The following RGS6 variants were observed in gnomAD, a reference collection of about 807,000 sequenced individuals.
The protein encoded by RGS6 is regulator of G protein signaling 6, also known as regulator of G-protein signaling 6.
A neutral mutation model predicts 78.5 loss-of-function variants in RGS6; 30 were observed. The ratio of observed to expected loss-of-function variants is 0.38; its 90% CI spans 0.29 to 0.52. The LOEUF is 0.52. Ranked by LOEUF, RGS6 falls within the 20% of genes least tolerant of loss-of-function variation. RGS6 has a pLI of 0.85. For synonymous variants in RGS6, 206 were observed against 206.0 expected (o/e 1.00, Z 0.00); for missense variants, 495 against 609.7 (o/e 0.81, Z 1.98).
At chr14:72,079,797 A>G (rs920451765) in intron 2 of RGS6, among the ~76,000 whole-genome samples, 1 of 152,016 alleles carries the variant, frequency 6.6e-6, no homozygotes. Context: ...TTATCTTTCT[A>G]TGCCTGGTTC....
chr14:71,945,741 G>A (rs1174876896), intron 1 of RGS6, among the ~76,000 whole-genome samples: 2 of 152,130 alleles, frequency 1.3e-5, no homozygotes, highest in African/African-American at 2.4e-5. Flanking sequence ...AGGGACAGGT[G>A]GAGAATGTGT....
intron 2 of RGS6, among the ~76,000 whole-genome samples, chr14:72,278,784 A>G (rs1349792415): frequency 6.6e-6 from 1 of 152,162 alleles, no homozygotes; most frequent in East Asian, 1.9e-4. Context: ...CACCTGCTGC[A>G]TAATACGGTA....
At chr14:72,275,825 A>G (rs2060581003) in intron 2 of RGS6, among the ~76,000 whole-genome samples, 1 of 152,220 alleles carries the variant, frequency 6.6e-6, no homozygotes, top group Non-Finnish European at 1.5e-5. Flanking sequence ...ACCAAAGTGT[A>G]GTATATATTG....
intron 13 of RGS6, among the ~76,000 whole-genome samples, chr14:72,509,576 G>C: frequency 6.6e-6 from 1 of 152,200 alleles, no homozygotes; most frequent in East Asian, 1.9e-4. Flanking sequence ...GCTTGAGACG[G>C]TGTCTAGCAC....
At chr14:72,383,800 G>A (rs1422621100) in intron 3 of RGS6, among the ~76,000 whole-genome samples, 1 of 152,040 alleles carries the variant, frequency 6.6e-6, no homozygotes, top group African/African-American at 2.4e-5. Context: ...GCTTTCAAAG[G>A]GTGGGGGGGG....
intron 2 of RGS6, among the ~76,000 whole-genome samples, chr14:71,975,250 A>C (rs2094047812): frequency 6.6e-6 from 1 of 152,142 alleles, no homozygotes; most frequent in Non-Finnish European, 1.5e-5. Flanking sequence ...ATTTATCATA[A>C]CTGTCATTGT....
At chr14:72,033,274 C>T (rs1285905187) in intron 2 of RGS6, among the ~76,000 whole-genome samples, 1 of 152,162 alleles carries the variant, frequency 6.6e-6, no homozygotes, top group African/African-American at 2.4e-5. Context: ...CACTCTGCCA[C>T]CCAGGCTGGA....
At chr14:71,911,525 C>G in the RGS6 span, among the ~76,000 whole-genome samples, 3 of 152,144 alleles carry the variant, frequency 2.0e-5, no homozygotes, top group Non-Finnish European at 4.4e-5. Flanking sequence ...ATTATCCTAC[C>G]GTAGGCTTAG....
chr14:72,425,823 G>A (rs945365064), intron 3 of RGS6, among the ~76,000 whole-genome samples: 1 of 152,088 alleles, frequency 6.6e-6, no homozygotes, highest in Non-Finnish European at 1.5e-5. Flanking sequence ...GGCATAAAAA[G>A]TTTCACCTGC....
the RGS6 span, among the ~76,000 whole-genome samples, chr14:71,902,370 T>G: frequency 6.6e-6 from 1 of 152,180 alleles, no homozygotes; most frequent in Admixed American, 6.5e-5. Context: ...CTCATTAGGC[T>G]TAAAGAAAAA....
At chr14:72,483,311 C>T (rs1239045061) in intron 12 of RGS6, among the ~76,000 whole-genome samples, 2 of 152,306 alleles carry the variant, frequency 1.3e-5, no homozygotes, top group African/African-American at 4.8e-5. Context: ...TGTTTCATTC[C>T]GTACCTGCAT....
At chr14:72,211,929 T>G (rs1055675008) in intron 2 of RGS6, among the ~76,000 whole-genome samples, 5 of 152,214 alleles carry the variant, frequency 3.3e-5, no homozygotes, top group African/African-American at 1.2e-4. Flanking sequence ...ACATGGCCAG[T>G]AAATTGATTA....
chr14:72,258,424 G>A (rs1463060114), intron 2 of RGS6, among the ~76,000 whole-genome samples: 1 of 152,184 alleles, frequency 6.6e-6, no homozygotes. Flanking sequence ...ACAAGTGCGA[G>A]GGGCCTCATT....
intron 17 of RGS6, among the ~76,000 whole-genome samples, chr14:72,548,137 A>G (rs185068086): frequency 1.3e-5 from 2 of 152,232 alleles, no homozygotes; most frequent in African/African-American, 2.4e-5. Flanking sequence ...GCGGGCCACA[A>G]GGGTTCAGCC....
At chr14:71,882,270 C>A in the RGS6 span, among the ~76,000 whole-genome samples, 1 of 152,194 alleles carries the variant, frequency 6.6e-6, no homozygotes, top group Non-Finnish European at 1.5e-5. Flanking sequence ...TAGTGTATGT[C>A]AGAATTGCAT....
chr14:72,130,777 T>G (rs1485501676), intron 2 of RGS6, among the ~76,000 whole-genome samples: 1 of 152,234 alleles, frequency 6.6e-6, no homozygotes, highest in Non-Finnish European at 1.5e-5. Flanking sequence ...CCTACATGTT[T>G]ATCCCACTTT....
intron 2 of RGS6, among the ~76,000 whole-genome samples, chr14:72,033,614 G>C (rs1035440601): frequency 6.6e-6 from 1 of 152,138 alleles, no homozygotes; most frequent in African/African-American, 2.4e-5. Context: ...AATCATAAGC[G>C]AGTATGTTAC....
chr14:72,162,844 A>G (rs2096872215), intron 2 of RGS6, among the ~76,000 whole-genome samples: 2 of 152,198 alleles, frequency 1.3e-5, no homozygotes, highest in South Asian at 4.1e-4. Context: ...GTGTGTATAT[A>G]TATATGATGG....
intron 2 of RGS6, among the ~76,000 whole-genome samples, chr14:72,233,714 C>T (rs1399291813): frequency 2.0e-5 from 3 of 152,112 alleles, no homozygotes; most frequent in African/African-American, 7.2e-5. Context: ...TGTCTCCTGC[C>T]ATGGTTTCAC....
Sources: allele counts gnomAD v4.1 joint callset (sites outside exome capture counted in the v4.1 genomes callset), GRCh38; gene constraint gnomAD v4.1.1; transcripts MANE v1.5; gene names NCBI Gene and HGNC (gene_info 2026-07-23, HGNC 2026-07-21).